Variants in TDRD9 observed in about 807,000 individuals in gnomAD.
The protein encoded by TDRD9 is ATP-dependent RNA helicase TDRD9.
Under a neutral mutation model 172.6 loss-of-function variants are expected in TDRD9, and 124 were observed. That is an observed-to-expected ratio of 0.72 (90% CI 0.62 to 0.83). The LOEUF is 0.83. Ranked by LOEUF, TDRD9 falls within the 40% of genes least tolerant of loss-of-function variation. TDRD9 has a pLI of 0.00. For synonymous variants in TDRD9, 619 were observed against 617.1 expected (o/e 1.00, Z -0.05); for missense variants, 1,479 against 1,714.1 (o/e 0.86, Z 2.42).
chr14:103,961,477 C>T (rs1345286926), intron 2 of TDRD9, among the ~76,000 whole-genome samples: 5 of 151,632 alleles, frequency 3.3e-5, no homozygotes, highest in African/African-American at 9.7e-5. Flanking sequence ...GGAGGAGAAT[C>T]GCTTGAACCC....
chr14:103,946,791 A>T (rs2152122470), intron 1 of TDRD9, among the ~76,000 whole-genome samples: 1 of 152,370 alleles, frequency 6.6e-6, no homozygotes, highest in African/African-American at 2.4e-5. Context: ...AAACTATTCT[A>T]TTGGTAATAG....
intron 29 of TDRD9, 104 bp from the exon 30 acceptor site, chr14:104,031,913 C>T: frequency 1.4e-6 from 1 of 702,548 alleles, no homozygotes; most frequent in Non-Finnish European, 2.2e-6. Flanking sequence ...AATGAGATGT[C>T]TTTTTTTTTT....
intron 34 of TDRD9, among the ~76,000 whole-genome samples, chr14:104,047,630 G>A (rs970436121): frequency 6.6e-5 from 10 of 152,082 alleles, no homozygotes; most frequent in African/African-American, 1.9e-4. Flanking sequence ...CTGTCAGTGC[G>A]CTGGTGTTAA....
In TDRD9 at chr14:103,956,524, C is replaced by T. The variant is rs1481721186; in HGVS notation, c.322+754C>T. 5.3e-5 allele frequency among the ~76,000 whole-genome samples: 8 copies of T among 152,090 alleles called. No homozygotes were observed. In the East Asian group the frequency reaches 1.5e-3, roughly 29 times the overall value. ...GAGCATGGTGGTGCATGCCTGTAGT[C>T]CCAGCTACTGGAGAGGCTGAGGCAA... On this transcript the variant is annotated intron_variant, in intron 2 of 35. Transcript: ENST00000409874.
Position 104,032,050 on chromosome 14 carries a change from C to T in TDRD9, c.3472C>T (p.Leu1158=), listed in dbSNP as rs1375632707. Residue 1158 remains leucine (L), a synonymous_variant, in exon 30 of 36, where the codon CTA becomes TTA. Transcript: ENST00000409874. ...ELHGPFNPYE[L]KCHSLTRISK... ...TCACGGGCCTTTTAACCCTTATGAA[C>T]TAAAGTGCCATAGTTTGACCAGAAT... The T allele has an allele frequency of 9.0e-6, 14 of 1,548,916 alleles. No individual in the cohort carries two copies. Among genetic ancestry groups the T allele is most frequent in the African/African-American group, 1.4e-5 (1 of 72,880 alleles).
At chr14:104,047,582 C>G (rs774028290) in intron 34 of TDRD9, among the ~76,000 whole-genome samples, 2 of 152,126 alleles carry the variant, frequency 1.3e-5, no homozygotes, top group Admixed American at 1.3e-4. Flanking sequence ...GCCTCGTGCC[C>G]GCTCTCTTCT....
At chr14:103,973,288 T>C (rs1198296532) in intron 6 of TDRD9, among the ~76,000 whole-genome samples, 3 of 152,210 alleles carry the variant, frequency 2.0e-5, no homozygotes, top group Non-Finnish European at 4.4e-5. Context: ...AAAAAATCTG[T>C]ATCAGCTTTT....
chr14:104,026,268 G>T, intron 27 of TDRD9, 132 bp downstream of exon 27: 1 of 638,756 alleles, frequency 1.6e-6, no homozygotes. Flanking sequence ...GGAGGGACTT[G>T]CTTTGTCACA....
intron 27 of TDRD9, 80 bp downstream of exon 27, chr14:104,026,216 C>T: frequency 1.0e-6 from 1 of 979,440 alleles, no homozygotes; most frequent in Non-Finnish European, 1.6e-6. Flanking sequence ...CATATGGTGC[C>T]CTGCCTCGGC....
intron 1 of TDRD9, among the ~76,000 whole-genome samples, chr14:103,951,155 A>G (rs562797215): frequency 1.2e-4 from 19 of 152,272 alleles, no homozygotes; most frequent in East Asian, 1.2e-3. Context: ...AAAATCCATC[A>G]ATTTTTCAGA....
At chr14:103,935,682 G>T (rs370188675) in intron 1 of TDRD9, among the ~76,000 whole-genome samples, 3 of 152,002 alleles carry the variant, frequency 2.0e-5, no homozygotes, top group East Asian at 1.9e-4. Flanking sequence ...GCCCACCTGG[G>T]GTGCTTCAGT....
At chr14:103,990,301 G>A (rs972591738) in intron 8 of TDRD9, among the ~76,000 whole-genome samples, 2 of 152,226 alleles carry the variant, frequency 1.3e-5, no homozygotes, top group African/African-American at 4.8e-5. Flanking sequence ...GGAGCAGCAG[G>A]AGCAGTGACC....
At chr14:103,957,968 T>C (rs1193739131) in intron 2 of TDRD9, among the ~76,000 whole-genome samples, 1 of 152,238 alleles carries the variant, frequency 6.6e-6, no homozygotes, top group Non-Finnish European at 1.5e-5. Flanking sequence ...GGCTTTTCTC[T>C]GGGCAGTCGG....
chr14:103,974,257 C>T (rs557109977), intron 6 of TDRD9, among the ~76,000 whole-genome samples: 37 of 152,280 alleles, frequency 2.4e-4, no homozygotes, highest in African/African-American at 8.2e-4. Context: ...CCTCTACTTG[C>T]GATGTACAGT....
chr14:104,046,698 T>C (rs1008925471), intron 34 of TDRD9, among the ~76,000 whole-genome samples: 5 of 152,028 alleles, frequency 3.3e-5, no homozygotes, highest in East Asian at 1.9e-4. Flanking sequence ...CAGGCTGGAG[T>C]GCAGTGGCGT....
chr14:103,962,949 T>G, intron 2 of TDRD9, 130 bp from the exon 3 acceptor site: 1 of 540,284 alleles, frequency 1.9e-6, no homozygotes, highest in Admixed American at 4.4e-5. Context: ...CTGTAGAAAA[T>G]GTATTTTTGT....
chr14:103,991,140 G>A lies in TDRD9; in HGVS notation c.1116-20G>A, dbSNP rs369982686. ...GTTATTAGCCTTCATTAATATTTGT[G>A]CACATCACATTTTTAACAGGAACAA... is the stretch of plus-strand genomic sequence containing the variant. On this transcript the variant is annotated intron_variant, in intron 8 of 35. Transcript: ENST00000409874. 2.6e-5 allele frequency: 42 copies of A among 1,613,818 alleles called. No individual in the cohort carries two copies. In the African/African-American group the frequency reaches 4.8e-4, roughly 18 times the overall value.
rs752836122 is a variant in TDRD9 at position 104,025,595 on chromosome 14, G to A, written c.2750G>A (p.Arg917Lys). Residue 917 changes from arginine (R) to lysine (K), a missense_variant, in exon 26 of 36, where the codon AGG (arginine) becomes AAG (lysine). Arg to Lys is a conservative substitution (Grantham distance 26). Coordinates refer to ENST00000409874, the MANE Select transcript of TDRD9 (RefSeq NM_153046.3). ...GAAGTGGGACACTTTTGGGGATACA[G>A]GATTGATGAAAACAACTCAGAGATT... ...VVEVGHFWGY[R>K]IDENNSEILK... 6.2e-7 allele frequency: 1 copy of A among 1,613,948 alleles called. No individual in the cohort carries two copies. Among genetic ancestry groups the A allele is most frequent in the South Asian group, 1.1e-5 (1 of 91,080 alleles).
intron 1 of TDRD9, chr14:103,945,375 T>C (rs1297613093): frequency 6.6e-6 from 1 of 152,260 alleles, no homozygotes; most frequent in Non-Finnish European, 1.5e-5. Context: ...CCAATTTTTC[T>C]AGTACTTAGT....
Sources: allele counts gnomAD v4.1 joint callset (sites outside exome capture counted in the v4.1 genomes callset), GRCh38; gene constraint gnomAD v4.1.1; transcripts MANE v1.5; gene names NCBI Gene and HGNC (gene_info 2026-07-23, HGNC 2026-07-21).